Variants in SNAP91 observed in about 807,000 individuals in gnomAD.
The protein encoded by SNAP91 is clathrin coat assembly protein AP180.
In SNAP91, 27 loss-of-function variants were observed where a neutral mutation model predicts 100.3. The observed-to-expected ratio is 0.27, with a 90% CI of 0.20 to 0.37. The LOEUF is 0.37. SNAP91 is among the 10% of genes least tolerant of loss of function. The probability of loss-of-function intolerance (pLI) is 1.00; values close to 1 mark genes in which losing one functional copy is unlikely to be tolerated. For missense variants in SNAP91, 986 were observed against 1,123.7 expected, an observed-to-expected ratio of 0.88 and a Z score of 1.75; for synonymous variants, 404 against 398.6, an observed-to-expected ratio of 1.01 and a Z score of -0.16.
intron 2 of SNAP91, among the ~76,000 whole-genome samples, chr6:83,671,302 T>C (rs1156545255): frequency 6.6e-6 from 1 of 152,126 alleles, no homozygotes; most frequent in Non-Finnish European, 1.5e-5. Context: ...TATCTAAATG[T>C]TCTTGCCAAT....
chr6:83,686,643 G>A (rs2099065596), intron 2 of SNAP91, among the ~76,000 whole-genome samples: 1 of 152,210 alleles, frequency 6.6e-6, no homozygotes, highest in Admixed American at 6.5e-5. Flanking sequence ...TAAATTTCAA[G>A]TGTAATACAC....
intron 1 of SNAP91, chr6:83,708,359 C>T (rs1278708571): frequency 6.1e-6 from 1 of 163,984 alleles, no homozygotes; most frequent in African/African-American, 2.4e-5. Flanking sequence ...TGCCCATCTC[C>T]CACCTCAGCA....
At chr6:83,591,843 T>A (rs1286687943) in intron 21 of SNAP91, among the ~76,000 whole-genome samples, 3 of 152,130 alleles carry the variant, frequency 2.0e-5, no homozygotes, top group Non-Finnish European at 4.4e-5. Context: ...TCAATGTGGG[T>A]TAAGCTTTCT....
Position 83,635,690 on chromosome 6 carries a change from A to C in SNAP91, c.765+5406T>G, listed in dbSNP as rs568717820. On this transcript the variant is annotated intron_variant, in intron 8 of 29. Transcript: ENST00000369694. Reference sequence around the variant, plus strand: ...ACCATTTACATCAAGGTTAGTATTCATATGTGAGGTTTCATTCCTGTCATC... The same window carrying C: ...ACCATTTACATCAAGGTTAGTATTCCTATGTGAGGTTTCATTCCTGTCATC... 2.0e-5 allele frequency among the ~76,000 whole-genome samples: 3 copies of C among 151,952 alleles called. No homozygotes were observed. In the East Asian group the frequency reaches 5.8e-4, roughly 30 times the overall value.
intron 2 of SNAP91, among the ~76,000 whole-genome samples, chr6:83,687,754 T>C (rs1158444586): frequency 1.3e-5 from 2 of 152,134 alleles, no homozygotes; most frequent in South Asian, 2.1e-4. Flanking sequence ...TAAGAGATGA[T>C]GAAAACTGGG....
chr6:83,605,847 T>C, intron 13 of SNAP91, 44 bp from the exon 14 acceptor site: 1 of 1,462,556 alleles, frequency 6.8e-7, no homozygotes, highest in Non-Finnish European at 9.2e-7. Context: ...TGAAATTTTA[T>C]AACATAAAGG....
At chr6:83,610,619 CA>C in intron 12 of SNAP91, 30 bp downstream of exon 12, 5 of 591,636 alleles carry the variant, frequency 8.5e-6, no homozygotes, top group Admixed American at 2.3e-5. Flanking sequence ...AAACAAAAAA[CA>C]AAAACCCCCA....
chr6:83,669,456 T>G (rs1393423980), intron 2 of SNAP91, among the ~76,000 whole-genome samples: 1 of 151,918 alleles, frequency 6.6e-6, no homozygotes, highest in African/African-American at 2.4e-5. Flanking sequence ...AAGATATATC[T>G]GGTATCTTTT....
At chr6:83,706,180 G>A (rs1562764306) in intron 2 of SNAP91, among the ~76,000 whole-genome samples, 1 of 152,190 alleles carries the variant, frequency 6.6e-6, no homozygotes, top group Non-Finnish European at 1.5e-5. Context: ...AAATATATCA[G>A]TATACTGATT....
intron 26 of SNAP91, among the ~76,000 whole-genome samples, chr6:83,572,297 A>T (rs1809474313): frequency 6.6e-6 from 1 of 151,864 alleles, no homozygotes; most frequent in South Asian, 2.1e-4. Context: ...CCACGGCTGG[A>T]GTGTAGTAGC....
At chr6:83,590,373 G>A (rs1054508049) in intron 22 of SNAP91, among the ~76,000 whole-genome samples, 47 of 152,134 alleles carry the variant, frequency 3.1e-4, no homozygotes, top group African/African-American at 1.1e-3. Flanking sequence ...TCCCAAGGAA[G>A]ACCAATACTT....
intron 7 of SNAP91, among the ~76,000 whole-genome samples, chr6:83,653,810 C>A (rs1021504809): frequency 6.6e-6 from 1 of 152,114 alleles, no homozygotes; most frequent in African/African-American, 2.4e-5. Flanking sequence ...TGAGTCTATG[C>A]CTCTGGACTG....
chr6:83,662,952 T>C (rs906755004), intron 3 of SNAP91, among the ~76,000 whole-genome samples: 3 of 152,170 alleles, frequency 2.0e-5, no homozygotes, highest in Non-Finnish European at 2.9e-5. Context: ...AGTCTATCAG[T>C]GCTCACTTTG....
Position 83,616,981 on chromosome 6 carries a change from T to A in SNAP91, c.866A>T (p.Lys289Ile). Residue 289 changes from lysine to isoleucine, a missense_variant, in exon 10 of 30, where the codon AAA becomes ATA. Around this residue, in one of 4 missense-constraint regions of SNAP91, gnomAD observed 330 missense variants for 447.5 expected, o/e 0.74. Coordinates refer to ENST00000369694, the MANE Select transcript of SNAP91 (RefSeq NM_001242792.2). The stretch of plus-strand genomic sequence containing the variant: ...AACTAATGCGTACTTGTTTCCAGGT[T>A]TCTTTCCTTCTAATGTATTTAGATG... ...EQHLNTLEGK[K>I]PGNNEGSGAP... 6.5e-7 allele frequency: 1 copy of A among 1,545,770 alleles called. No homozygotes were observed. Among genetic ancestry groups the A allele is most frequent in the Non-Finnish European group, 8.7e-7 (1 of 1,143,158 alleles).
At chr6:83,665,637 T>A (rs560731716) in intron 2 of SNAP91, 56 bp from the exon 3 acceptor site, 386 of 1,533,788 alleles carry the variant, frequency 2.5e-4, no homozygotes, top group Non-Finnish European at 3.2e-4. Context: ...CAAAAATTCA[T>A]TTCAAACTTG....
At chr6:83,606,643 G>C (rs1199861952) in intron 13 of SNAP91, among the ~76,000 whole-genome samples, 3 of 152,166 alleles carry the variant, frequency 2.0e-5, no homozygotes, top group African/African-American at 7.2e-5. Context: ...CAAGCCATCA[G>C]GGTCCCAGGT....
chr6:83,653,815 G>C (rs1401312471), intron 7 of SNAP91, among the ~76,000 whole-genome samples: 1 of 152,064 alleles, frequency 6.6e-6, no homozygotes, highest in Non-Finnish European at 1.5e-5. Flanking sequence ...CTATGCCTCT[G>C]GACTGTGAAC....
At chr6:83,600,254 C>T (rs2095023336) in intron 16 of SNAP91, among the ~76,000 whole-genome samples, 1 of 152,150 alleles carries the variant, frequency 6.6e-6, no homozygotes, top group South Asian at 2.1e-4. Context: ...ATGATGTTGG[C>T]CAACCTTAGA....
intron 8 of SNAP91, among the ~76,000 whole-genome samples, chr6:83,639,953 A>C (rs1425599185): frequency 6.6e-6 from 1 of 152,202 alleles, no homozygotes; most frequent in Non-Finnish European, 1.5e-5. Context: ...TAGCAGCAAA[A>C]GAAAAAATTT....
Sources: allele counts gnomAD v4.1 joint callset (sites outside exome capture counted in the v4.1 genomes callset), GRCh38; gene constraint gnomAD v4.1.1; regional missense constraint gnomAD v4.1.1; transcripts MANE v1.5; gene names NCBI Gene and HGNC (gene_info 2026-07-23, HGNC 2026-07-21).